Variants in GDPD5 observed in about 807,000 individuals in gnomAD.
GDPD5 encodes the protein glycerophosphodiester phosphodiesterase domain containing 5.
A neutral mutation model predicts 75.1 loss-of-function variants in GDPD5; 48 were observed. The ratio of observed to expected loss-of-function variants is 0.64; its 90% CI spans 0.51 to 0.81. GDPD5 has a LOEUF of 0.81. Among genes scored for constraint, GDPD5 ranks in the 40% least tolerant of loss-of-function variants. The probability of loss-of-function intolerance (pLI) is 0.00; values close to 1 mark genes in which losing one functional copy is unlikely to be tolerated. For synonymous variants in GDPD5, 336 were observed against 339.0 expected (o/e 0.99, Z 0.10); for missense variants, 706 against 822.6 (o/e 0.86, Z 1.73).
At chr11:75,481,602 G>A (rs543103729) in intron 2 of GDPD5, among the ~76,000 whole-genome samples, 106 of 152,144 alleles carry the variant, frequency 7.0e-4, no homozygotes, top group Non-Finnish European at 1.4e-3. Context: ...GGTGCTCTCA[G>A]CTTTACTATA....
chr11:75,458,244 C>G (rs112821683), intron 4 of GDPD5, among the ~76,000 whole-genome samples: 59 of 152,324 alleles, frequency 3.9e-4, no homozygotes, highest in Middle Eastern at 3.4e-3. Context: ...TTCACTGATT[C>G]TAAGATGCCA....
At chr11:75,493,268 AATTC>A (rs1458154768) in intron 1 of GDPD5, among the ~76,000 whole-genome samples, 1 of 106,018 alleles carries the variant, frequency 9.4e-6, no homozygotes, top group Non-Finnish European at 2.1e-5. Flanking sequence ...CACACAAATA[AATTC>A]ATTAAGAGTA....
At chr11:75,514,678 C>T (rs1592163712) in intron 1 of GDPD5, among the ~76,000 whole-genome samples, 1 of 152,250 alleles carries the variant, frequency 6.6e-6, no homozygotes, top group East Asian at 1.9e-4. Flanking sequence ...CAGGCACTGA[C>T]AGGGCACATC....
At chr11:75,469,925 C>G (rs1454522287) in intron 3 of GDPD5, among the ~76,000 whole-genome samples, 1 of 152,228 alleles carries the variant, frequency 6.6e-6, no homozygotes, top group Non-Finnish European at 1.5e-5. Context: ...CATCTACGTA[C>G]ACGTGTTGAG....
chr11:75,479,279 G>A (rs1358213367), intron 2 of GDPD5: 1 of 152,214 alleles, frequency 6.6e-6, no homozygotes, highest in East Asian at 1.9e-4. Flanking sequence ...TTGCCCAGAG[G>A]TGCACAGCTA....
intron 2 of GDPD5, among the ~76,000 whole-genome samples, chr11:75,486,243 C>T (rs1189463307): frequency 6.6e-6 from 1 of 152,212 alleles, no homozygotes; most frequent in Non-Finnish European, 1.5e-5. Context: ...CCTGTTCTGA[C>T]TGGGGAAGAG....
chr11:75,478,752 T>C (rs1392249266), intron 2 of GDPD5, among the ~76,000 whole-genome samples: 2 of 152,218 alleles, frequency 1.3e-5, no homozygotes, highest in Non-Finnish European at 1.5e-5. Flanking sequence ...GTTGAGCACT[T>C]AAAATACACC....
intron 7 of GDPD5, 45 bp from the exon 8 acceptor site, chr11:75,449,655 G>A (rs968733907): frequency 6.5e-7 from 1 of 1,537,234 alleles, no homozygotes; most frequent in African/African-American, 1.4e-5. Context: ...GCCCAGCTCT[G>A]CCCAGACCCT....
At chr11:75,497,595 G>A (rs190068903) in intron 1 of GDPD5, among the ~76,000 whole-genome samples, 106 of 152,280 alleles carry the variant, frequency 7.0e-4, no homozygotes, top group African/African-American at 2.4e-3. Flanking sequence ...TGGATTGTAC[G>A]TTAAACCTGG....
At chr11:75,520,150 G>A (rs1003479545) in intron 1 of GDPD5, among the ~76,000 whole-genome samples, 1 of 152,186 alleles carries the variant, frequency 6.6e-6, no homozygotes, top group African/African-American at 2.4e-5. Context: ...TCCCCCTAAG[G>A]GAAGGCCTCC....
chr11:75,523,627 C>T (rs1055770813), intron 1 of GDPD5, among the ~76,000 whole-genome samples: 4 of 152,242 alleles, frequency 2.6e-5, no homozygotes, highest in African/African-American at 9.6e-5. Flanking sequence ...GACTCTGCAA[C>T]CCTCCTCTGC....
intron 1 of GDPD5, among the ~76,000 whole-genome samples, chr11:75,514,851 G>C (rs1283713878): frequency 6.6e-6 from 1 of 152,248 alleles, no homozygotes; most frequent in African/African-American, 2.4e-5. Flanking sequence ...GAGGGCAACT[G>C]TAGCATCTCC....
intron 1 of GDPD5, among the ~76,000 whole-genome samples, chr11:75,501,086 C>T (rs889985783): frequency 5.3e-5 from 8 of 152,198 alleles, no homozygotes; most frequent in African/African-American, 1.4e-4. Context: ...TCCCCAACAC[C>T]GAGGCCAAGT....
In GDPD5 at chr11:75,462,842, C is replaced by T. The variant is rs183241912; in HGVS notation, c.165G>A (p.Thr55=). The change falls in exon 4 of 17, where the codon ACG becomes ACA. Residue 55 remains threonine (T), a synonymous_variant. Transcript: ENST00000336898. The stretch of plus-strand genomic sequence containing the variant: ...CCCACCAGAAGTAAAGCCAGGTGAG[C>T]GTGAGGCCAAAGGTGAAGGTGAGGA... ...FLLLTFTFGL[T]LTWLYFWWEV... 1.4e-4 allele frequency: 221 copies of T among 1,614,096 alleles called. 1 individual carries two copies. In the East Asian group the frequency reaches 3.6e-3, roughly 26 times the overall value.
intron 3 of GDPD5, among the ~76,000 whole-genome samples, chr11:75,469,271 G>C (rs886458243): frequency 6.6e-6 from 1 of 152,150 alleles, no homozygotes; most frequent in South Asian, 2.1e-4. Flanking sequence ...GCTGCATCCC[G>C]GGCTGTGGGG....
chr11:75,451,033 C>T (rs930031348), intron 6 of GDPD5: 7 of 152,406 alleles, frequency 4.6e-5, no homozygotes, highest in Admixed American at 3.3e-4. Context: ...CCCTTTCTCC[C>T]GAGGCAACCT....
chr11:75,439,812 G>A, intron 15 of GDPD5, 67 bp downstream of exon 15: 3 of 1,318,286 alleles, frequency 2.3e-6, no homozygotes, highest in Non-Finnish European at 3.3e-6. Context: ...GGGTTCACCT[G>A]GCTGGGGTGG....
chr11:75,488,567 C>A (rs1950055589), intron 2 of GDPD5, among the ~76,000 whole-genome samples: 1 of 152,160 alleles, frequency 6.6e-6, no homozygotes. Flanking sequence ...TCCAAAGACA[C>A]CACCTACCCA....
chr11:75,498,134 C>G (rs887750668), intron 1 of GDPD5, among the ~76,000 whole-genome samples: 2 of 151,908 alleles, frequency 1.3e-5, no homozygotes, highest in African/African-American at 4.8e-5. Context: ...AGTGGGGAGG[C>G]CAGATCATGG....
Sources: gnomAD v4.1 joint callset for allele counts (sites outside exome capture counted in the v4.1 genomes callset) on GRCh38, gnomAD v4.1.1 for gene constraint, MANE v1.5 for transcripts, NCBI Gene and HGNC (gene_info 2026-07-23, HGNC 2026-07-21) for gene names.